EMX1: variants seen among roughly 807,000 people sequenced by gnomAD.
EMX1 encodes homeobox protein EMX1.
In EMX1, 10 loss-of-function variants were observed where a neutral mutation model predicts 20.1. That is an observed-to-expected ratio of 0.50 (90% CI 0.31 to 0.84). The LOEUF (loss-of-function observed/expected upper bound fraction) is 0.84. EMX1 is among the 40% of genes least tolerant of loss of function. EMX1 has a pLI of 0.05. For synonymous variants in EMX1, 250 were observed against 200.4 expected (o/e 1.25, Z -2.09); for missense variants, 424 against 431.9 (o/e 0.98, Z 0.16).
Position 72,918,009 on chromosome 2 carries a change from G to A in EMX1, c.157G>A (p.Gly53Ser). 9 of 1,439,696 alleles carry A rather than the reference G, an allele frequency of 6.3e-6. No homozygotes were observed. The highest frequency in any genetic ancestry group is 8.2e-6 in the Non-Finnish European group (9 of 1,103,938). 89.2% of individuals were successfully genotyped at this position (1,439,696 alleles called of 1,614,324 possible). A position where few individuals can be genotyped will look rare whatever the true frequency, so the allele number is the denominator to read the frequency against. The change falls in exon 1 of 3, where the codon GGC becomes AGC. Residue 53 changes from glycine (G) to serine (S), a missense_variant. Around this residue, in one of 2 missense-constraint regions of EMX1, gnomAD observed 333 missense variants for 296.6 expected, o/e 1.12. Transcript: ENST00000258106. ...FTIESLVAKD[G>S]GTGGGTGGGG... is the part of the protein sequence containing the mutation. Reference sequence around the variant, plus strand: ...CATAGAGTCCTTGGTGGCCAAGGACGGCGGCACCGGCGGGGGCACTGGCGG... The same window carrying A: ...CATAGAGTCCTTGGTGGCCAAGGACAGCGGCACCGGCGGGGGCACTGGCGG...
At chr2:72,928,817 A>G (rs1678083462) in intron 2 of EMX1, among the ~76,000 whole-genome samples, 1 of 152,184 alleles carries the variant, frequency 6.6e-6, no homozygotes. Flanking sequence ...GGGTGTCAGG[A>G]TAGAAACGCT....
At chr2:72,928,507 G>A (rs1209376831) in intron 2 of EMX1, among the ~76,000 whole-genome samples, 3 of 152,078 alleles carry the variant, frequency 2.0e-5, no homozygotes, top group Non-Finnish European at 4.4e-5. Flanking sequence ...TGTGTGTGTC[G>A]GGGGCAGGGG....
chr2:72,917,279 C>G (rs1000488950), upstream of EMX1, among the ~76,000 whole-genome samples: 1 of 108,388 alleles, frequency 9.2e-6, no homozygotes, highest in East Asian at 2.7e-4. Flanking sequence ...TTCTTCGGCT[C>G]CCGCGTGGGT....
At chr2:72,925,417 C>A in intron 2 of EMX1, 7 of 1,280,178 alleles carry the variant, frequency 5.5e-6, no homozygotes, top group Non-Finnish European at 6.1e-6. Flanking sequence ...GGGATCACTG[C>A]ATAAGCTCTT....
chr2:72,918,147 T>C lies in EMX1; in HGVS notation c.295T>C (p.Phe99Leu), dbSNP rs1671022392. 1.3e-6 allele frequency: 2 copies of C among 1,499,334 alleles called. No individual in the cohort carries two copies. Among genetic ancestry groups the C allele is most frequent in the Non-Finnish European group, 1.8e-6 (2 of 1,137,538 alleles). The allele number at this position is 1,499,334 out of a possible 1,614,324, so 92.9% of individuals were successfully genotyped here. ...GGCCGAGGCGGCCTTCGTGAGTGGC[T>C]TCCCTGCCGCGGCCGCCGCGGGCGC... ...SAAEAAFVSG[F>L]PAAAAAGAGR... The change falls in exon 1 of 3, where the codon TTC (phenylalanine) becomes CTC (leucine). Residue 99 changes from phenylalanine (F) to leucine (L), a missense_variant. Physicochemically the swap from Phe to Leu is conservative, Grantham distance 22. Coordinates refer to ENST00000258106, the MANE Select transcript of EMX1 (RefSeq NM_004097.3).
At chr2:72,929,288 C>G (rs2105270109) in intron 2 of EMX1, among the ~76,000 whole-genome samples, 1 of 152,282 alleles carries the variant, frequency 6.6e-6, no homozygotes, top group South Asian at 2.1e-4. Context: ...CTGGGACCAA[C>G]ATGTCCTGAG....
chr2:72,919,301 GTTT>G (rs1166742021), intron 1 of EMX1, among the ~76,000 whole-genome samples: 2 of 149,974 alleles, frequency 1.3e-5, no homozygotes, highest in Non-Finnish European at 3.0e-5. Flanking sequence ...GTTGGAGTTT[GTTT>G]TTTTCTTTTC....
At chr2:72,932,492 A>G (rs1671301304) in intron 2 of EMX1, among the ~76,000 whole-genome samples, 1 of 152,224 alleles carries the variant, frequency 6.6e-6, no homozygotes, top group Non-Finnish European at 1.5e-5. Context: ...TGACTCTGCA[A>G]AGCCAAGTAA....
At chr2:72,918,630 G>A (rs942741320) in intron 1 of EMX1, among the ~76,000 whole-genome samples, 2 of 152,256 alleles carry the variant, frequency 1.3e-5, no homozygotes, top group African/African-American at 4.8e-5. Context: ...GCAAGCCCAG[G>A]CGCGTCCTCG....
At chr2:72,925,708 G>C (rs149381383) in intron 2 of EMX1, 1 of 985,344 alleles carries the variant, frequency 1.0e-6, no homozygotes, top group Admixed American at 6.1e-5. Flanking sequence ...GCCAGAGTAG[G>C]AAGGGGGCTT....
At chr2:72,932,315 A>AG (rs1297198882) in intron 2 of EMX1, among the ~76,000 whole-genome samples, 5 of 151,970 alleles carry the variant, frequency 3.3e-5, no homozygotes, top group African/African-American at 9.7e-5. Flanking sequence ...CTCCTCCCCA[A>AG]GGGGGGCCTC....
intron 1 of EMX1, among the ~76,000 whole-genome samples, chr2:72,921,891 C>T (rs1671110181): frequency 6.6e-6 from 1 of 152,182 alleles, no homozygotes; most frequent in South Asian, 2.1e-4. Context: ...TGCCTTCATC[C>T]TCTCATCTGG....
upstream of EMX1, chr2:72,916,800 A>C (rs1246576065): frequency 2.8e-6 from 2 of 717,150 alleles, no homozygotes; most frequent in East Asian, 5.4e-5. Flanking sequence ...GAGGGGGTGG[A>C]TCTCCCAGTG....
At chr2:72,925,823 G>A (rs144725139) in intron 2 of EMX1, 1 of 985,412 alleles carries the variant, frequency 1.0e-6, no homozygotes, top group African/African-American at 1.7e-5. Flanking sequence ...ATATCTGTCT[G>A]CTGCCCCACT....
upstream of EMX1, chr2:72,917,053 G>C (rs1197476934): frequency 1.5e-6 from 1 of 663,108 alleles, no homozygotes; most frequent in Admixed American, 2.2e-5. Context: ...CGGCCCAGGA[G>C]GCCGATGGTG....
At chr2:72,928,989 G>A (rs930881554) in intron 2 of EMX1, among the ~76,000 whole-genome samples, 14 of 152,142 alleles carry the variant, frequency 9.2e-5, no homozygotes, top group East Asian at 1.9e-4. Context: ...CAGGAGTTAC[G>A]GTCACCTGCC....
At chr2:72,931,746 C>G (rs1465358464) in intron 2 of EMX1, among the ~76,000 whole-genome samples, 1 of 152,256 alleles carries the variant, frequency 6.6e-6, no homozygotes, top group Non-Finnish European at 1.5e-5. Context: ...TCACTCCATC[C>G]ATCGAGGCCG....
At chr2:72,918,735 C>T (rs575288891) in intron 1 of EMX1, among the ~76,000 whole-genome samples, 20 of 152,394 alleles carry the variant, frequency 1.3e-4, no homozygotes, top group Non-Finnish European at 2.2e-4. Context: ...TCTCCCTCCG[C>T]CCGGCTTAAC....
chr2:72,916,819 C>T (rs1457841165), upstream of EMX1: 1 of 717,240 alleles, frequency 1.4e-6, no homozygotes, highest in East Asian at 2.7e-5. Flanking sequence ...TGCCGAGGCC[C>T]GCCGTCCTGG....
Sources: gnomAD v4.1 joint callset for allele counts (sites outside exome capture counted in the v4.1 genomes callset) on GRCh38, gnomAD v4.1.1 for gene constraint, gnomAD v4.1.1 regional missense constraint, MANE v1.5 for transcripts, NCBI Gene and HGNC (gene_info 2026-07-23, HGNC 2026-07-21) for gene names.